The following NIPSNAP3A variants were observed in gnomAD, a reference collection of about 807,000 sequenced individuals.
The protein encoded by NIPSNAP3A is protein NipSnap homolog 3A.
In NIPSNAP3A, 27 loss-of-function variants were observed where a neutral mutation model predicts 32.3. That is an observed-to-expected ratio of 0.84 (90% CI 0.62 to 1.15). The LOEUF (loss-of-function observed/expected upper bound fraction) is 1.15. Among genes scored for constraint, NIPSNAP3A ranks in the 50% most tolerant of loss-of-function variants. NIPSNAP3A has a pLI of 0.00. For missense variants in NIPSNAP3A, 278 were observed against 297.2 expected (o/e 0.94, Z 0.48); for synonymous variants, 108 against 107.3 (o/e 1.01, Z -0.04).
intron 4 of NIPSNAP3A, among the ~76,000 whole-genome samples, chr9:104,755,563 C>A (rs1395303480): frequency 6.6e-6 from 1 of 151,884 alleles, no homozygotes; most frequent in Non-Finnish European, 1.5e-5. Flanking sequence ...TGTTGAAAAA[C>A]ATTTCAATCA....
chr9:104,748,357 C>T (rs1034714580), intron 1 of NIPSNAP3A, among the ~76,000 whole-genome samples: 1 of 152,270 alleles, frequency 6.6e-6, no homozygotes, highest in East Asian at 1.9e-4. Flanking sequence ...CACACAACTT[C>T]CGAGCATTTC....
At chr9:104,756,152 A>T (rs1827903744) in intron 4 of NIPSNAP3A, among the ~76,000 whole-genome samples, 1 of 152,232 alleles carries the variant, frequency 6.6e-6, no homozygotes, top group African/African-American at 2.4e-5. Flanking sequence ...TACATGGAGG[A>T]GAAACTGTTA....
rs373734351 is a variant in NIPSNAP3A, at chr9:104,754,605, G to C, written c.485G>C (p.Gly162Ala). ...QMKPGGPALW[G>A]DAFKRAVHAH... The stretch of plus-strand genomic sequence containing the variant: ...AAACCTGGTGGGCCAGCTCTGTGGG[G>C]TGATGCATTTAAAAGGGCAGTTCAT... Residue 162 changes from glycine to alanine, a missense_variant, in exon 4 of 6, where the codon GGT becomes GCT. Coordinates refer to ENST00000374767, the MANE Select transcript of NIPSNAP3A (RefSeq NM_015469.3). The C allele has an allele frequency of 1.2e-6, 2 of 1,613,912 alleles. No individual in the cohort carries two copies. Among genetic ancestry groups the C allele is most frequent in the African/African-American group, 2.7e-5 (2 of 74,926 alleles).
intron 4 of NIPSNAP3A, among the ~76,000 whole-genome samples, 160 bp from the exon 5 acceptor site, chr9:104,758,925 G>A (rs911004462): frequency 8.7e-5 from 12 of 138,462 alleles, no homozygotes; most frequent in African/African-American, 1.9e-4. Context: ...AGCCGAGATC[G>A]TGCCACTGCA....
chr9:104,759,011 TGATTCA>T, intron 4 of NIPSNAP3A, 68 bp from the exon 5 acceptor site: 1 of 1,210,428 alleles, frequency 8.3e-7, no homozygotes, highest in Non-Finnish European at 1.2e-6. Flanking sequence ...AGGATGGGTT[TGATTCA>T]TTTTTCTGTT....
In NIPSNAP3A at chr9:104,754,675, C is replaced by T; in HGVS notation, c.555C>T (p.His185=). 1 of 1,613,788 alleles carries T rather than the reference C, an allele frequency of 6.2e-7. No individual in the cohort carries two copies. Among genetic ancestry groups the T allele is most frequent in the Non-Finnish European group, 8.5e-7 (1 of 1,179,680 alleles). Residue 185 remains histidine (H), a synonymous_variant, in exon 4 of 6, where the codon CAC becomes CAT. Coordinates refer to ENST00000374767, the MANE Select transcript of NIPSNAP3A (RefSeq NM_015469.3). ...LGYTKLVGVF[H]TEYGALNRVH... is the part of the protein sequence containing the mutation. Reference sequence around the variant, plus strand: ...ACACAAAACTAGTTGGAGTGTTCCACACAGAGTACGGAGCACTCAACAGAG... The same window carrying T: ...ACACAAAACTAGTTGGAGTGTTCCATACAGAGTACGGAGCACTCAACAGAG...
intron 2 of NIPSNAP3A, 64 bp from the exon 3 acceptor site, chr9:104,752,842 C>A: frequency 2.1e-6 from 3 of 1,407,092 alleles, no homozygotes; most frequent in Non-Finnish European, 3.0e-6. Flanking sequence ...TGAATGAAAC[C>A]CAGAAAAGTA....
intron 1 of NIPSNAP3A, 30 bp downstream of exon 1, chr9:104,747,882 A>G: frequency 6.6e-7 from 1 of 1,525,106 alleles, no homozygotes; most frequent in Non-Finnish European, 8.8e-7. Flanking sequence ...CCAAGCCTTC[A>G]CCCGACGGGA....
chr9:104,750,964 A>G lies in NIPSNAP3A; in HGVS notation c.69A>G (p.Ser23=). ...TGTCTTATCTTCTTCAGATGTGCTCATCTTTTGCTACGGGACCCAGACAAT... is the reference window on the plus strand; with the variant it reads ...TGTCTTATCTTCTTCAGATGTGCTCGTCTTTTGCTACGGGACCCAGACAAT... ...ASRTLAPQMC[S]SFATGPRQYD... is the part of the protein sequence containing the mutation. Residue 23 remains serine (S), a synonymous_variant, in exon 2 of 6, where the codon TCA becomes TCG. Transcript: ENST00000374767. The G allele has an allele frequency of 6.2e-7, 1 of 1,612,276 alleles. No individual in the cohort carries two copies. The highest frequency in any genetic ancestry group is 8.5e-7 in the Non-Finnish European group (1 of 1,178,360).
At chr9:104,754,745 G>A in intron 4 of NIPSNAP3A, 45 bp downstream of exon 4, 3 of 1,498,554 alleles carry the variant, frequency 2.0e-6, no homozygotes, top group Non-Finnish European at 2.8e-6. Context: ...AATATATATT[G>A]TGACCTAAGT....
intron 1 of NIPSNAP3A, among the ~76,000 whole-genome samples, chr9:104,750,696 G>A (rs1827838203): frequency 6.6e-6 from 1 of 152,092 alleles, no homozygotes; most frequent in South Asian, 2.1e-4. Flanking sequence ...CCTACCCTGT[G>A]GAGTGTGCTT....
At chr9:104,756,534 T>C (rs562886744) in intron 4 of NIPSNAP3A, among the ~76,000 whole-genome samples, 5 of 152,198 alleles carry the variant, frequency 3.3e-5, no homozygotes, top group African/African-American at 1.2e-4. Flanking sequence ...TTCTTTACCT[T>C]ATAAAAGGTA....
intron 4 of NIPSNAP3A, 138 bp downstream of exon 4, chr9:104,754,838 T>C (rs945076340): frequency 4.4e-6 from 3 of 677,246 alleles, no homozygotes; most frequent in African/African-American, 3.6e-5. Flanking sequence ...TTTTTAAAAT[T>C]GAGAAAATCT....
At position 104,759,632 on chromosome 9, in the gene NIPSNAP3A, C is replaced by A; in HGVS notation, c.*294C>A. The A allele has an allele frequency of 2.9e-6, 1 of 340,160 alleles. No individual in the cohort carries two copies. Among genetic ancestry groups the A allele is most frequent in the Non-Finnish European group, 5.5e-6 (1 of 182,802 alleles). 21.1% of individuals were successfully genotyped at this position (340,160 alleles called of 1,614,324 possible). A position where few individuals can be genotyped will look rare whatever the true frequency, so the allele number is the denominator to read the frequency against. On this transcript the variant is annotated 3_prime_UTR_variant, in exon 6 of 6. Transcript: ENST00000374767. Reference sequence around the variant, plus strand: ...GAATAGCTCTTCTACTGTATTCTGACAACTCTTTGCTTTATAGCATTTTGT... The same window carrying A: ...GAATAGCTCTTCTACTGTATTCTGAAAACTCTTTGCTTTATAGCATTTTGT...
intron 1 of NIPSNAP3A, among the ~76,000 whole-genome samples, chr9:104,749,968 T>C (rs1432815691): frequency 6.6e-6 from 1 of 152,230 alleles, no homozygotes; most frequent in African/African-American, 2.4e-5. Flanking sequence ...TACAATGCAA[T>C]TGGATAGGTC....
Position 104,759,493 on chromosome 9 carries a change from G to GT in NIPSNAP3A, c.*156dup. The GT allele has an allele frequency of 1.5e-6, 1 of 687,356 alleles. No homozygotes were observed. Among genetic ancestry groups the GT allele is most frequent in the Non-Finnish European group, 2.5e-6 (1 of 407,294 alleles). The allele number at this position is 687,356 out of a possible 1,614,324, so 42.6% of individuals were successfully genotyped here. A position where few individuals can be genotyped will look rare whatever the true frequency, so the allele number is the denominator to read the frequency against. ...ATTATGAAGGCTACATCTGTGCTTT[G>GT]TAAGTACCACTTCAAAAAATAGTTC... On this transcript the variant is annotated 3_prime_UTR_variant, in exon 6 of 6. Transcript: ENST00000374767.
chr9:104,756,029 A>G (rs556911668), intron 4 of NIPSNAP3A, among the ~76,000 whole-genome samples: 2 of 152,310 alleles, frequency 1.3e-5, no homozygotes, highest in African/African-American at 2.4e-5. Context: ...TTTATGTCCA[A>G]TGGACATCTC....
In NIPSNAP3A at chr9:104,752,976, C is replaced by T; in HGVS notation, c.342C>T (p.Leu114=). The stretch of plus-strand genomic sequence containing the variant: ...ATAAGGAATGGCAAGAACAATTCCT[C>T]ATTCCAAATTTGGCTCTCATTGATA... ...AKDKEWQEQF[L]IPNLALIDKQ... is the part of the protein sequence containing the mutation. Residue 114 remains leucine (L), a synonymous_variant, in exon 3 of 6, where the codon CTC becomes CTT. Transcript: ENST00000374767. 6.2e-7 allele frequency: 1 copy of T among 1,612,764 alleles called. No individual in the cohort carries two copies. Among genetic ancestry groups the T allele is most frequent in the South Asian group, 1.1e-5 (1 of 91,044 alleles).
intron 2 of NIPSNAP3A, 45 bp downstream of exon 2, chr9:104,751,211 T>C (rs1461581852): frequency 6.8e-7 from 1 of 1,474,252 alleles, no homozygotes; most frequent in Non-Finnish European, 9.5e-7. Flanking sequence ...ATTTTCATTT[T>C]TCAGTATAGA....
Sources: gnomAD v4.1 joint callset for allele counts (sites outside exome capture counted in the v4.1 genomes callset) on GRCh38, gnomAD v4.1.1 for gene constraint, MANE v1.5 for transcripts, NCBI Gene and HGNC (gene_info 2026-07-23, HGNC 2026-07-21) for gene names.